The following TLK2 variants were observed in gnomAD, a reference collection of about 807,000 sequenced individuals.
The protein encoded by TLK2 is serine/threonine-protein kinase tousled-like 2.
Under a neutral mutation model 117.3 loss-of-function variants are expected in TLK2, and 6 were observed. That is an observed-to-expected ratio of 0.05 (90% CI 0.03 to 0.10). The LOEUF (loss-of-function observed/expected upper bound fraction) is 0.10, where lower values mean the gene tolerates loss of function less well. Among genes scored for constraint, TLK2 ranks in the 10% least tolerant of loss-of-function variants. The probability of loss-of-function intolerance (pLI) is 1.00; values close to 1 mark genes in which losing one functional copy is unlikely to be tolerated. For missense variants in TLK2, 299 were observed against 901.2 expected (o/e 0.33, Z 8.56); for synonymous variants, 257 against 316.7 (o/e 0.81, Z 2.00).
intron 19 of TLK2, among the ~76,000 whole-genome samples, chr17:62,605,199 C>T (rs1276299148): frequency 1.1e-4 from 16 of 152,000 alleles, no homozygotes; most frequent in African/African-American, 2.7e-4. Flanking sequence ...TGGTGGCACA[C>T]GCCTGTAATC....
At chr17:62,517,673 C>T (rs1222544166) in intron 2 of TLK2, among the ~76,000 whole-genome samples, 2 of 151,780 alleles carry the variant, frequency 1.3e-5, no homozygotes, top group East Asian at 1.9e-4. Flanking sequence ...TGAGCCACCA[C>T]GCCGGCCGAA....
chr17:62,518,310 G>A lies in TLK2; in HGVS notation c.82-2463G>A, dbSNP rs376078495. On this transcript the variant is annotated intron_variant, in intron 2 of 21. Coordinates refer to ENST00000346027, the MANE Select transcript of TLK2 (RefSeq NM_006852.6). ...ATTATTTCATGTTTTATTCAGTGCA[G>A]TAAAATGTAAAACAAATAAGAGGTA... 3.5e-3 allele frequency among the ~76,000 whole-genome samples: 527 copies of A among 152,310 alleles called. 6 individuals are homozygous for A. Among genetic ancestry groups the A allele is most frequent in the African/African-American group, 0.012 (511 of 41,556 alleles).
chr17:62,604,035 G>A (rs1320969588), intron 19 of TLK2, among the ~76,000 whole-genome samples: 3 of 148,888 alleles, frequency 2.0e-5, no homozygotes, highest in South Asian at 2.1e-4. Context: ...ACGGAGTTTC[G>A]CTCTTGTTGC....
chr17:62,526,564 T>G (rs2076378032), intron 6 of TLK2, among the ~76,000 whole-genome samples: 1 of 152,182 alleles, frequency 6.6e-6, no homozygotes, highest in African/African-American at 2.4e-5. Flanking sequence ...CCCCAATAAT[T>G]ATGTATCCAG....
intron 2 of TLK2, among the ~76,000 whole-genome samples, chr17:62,493,311 T>C (rs1311629331): frequency 6.6e-6 from 1 of 152,252 alleles, no homozygotes; most frequent in African/African-American, 2.4e-5. Context: ...TTTCATTTCC[T>C]TCCTTTTTAA....
At chr17:62,502,202 A>AT (rs2145003477) in intron 2 of TLK2, among the ~76,000 whole-genome samples, 1 of 152,158 alleles carries the variant, frequency 6.6e-6, no homozygotes, top group South Asian at 2.1e-4. Flanking sequence ...AGTGAATAAA[A>AT]CCATAACTAA....
chr17:62,564,267 G>A lies in TLK2; in HGVS notation c.832-734G>A, dbSNP rs2079543215. ...AAAATACAAAAATTGGCCGGGTGTG[G>A]TGGCTCACGCCTGTAATCTCAGCAC... On this transcript the variant is annotated intron_variant, in intron 10 of 21. Coordinates refer to ENST00000346027, the MANE Select transcript of TLK2 (RefSeq NM_006852.6). Among the ~76,000 whole-genome samples, 3 of 152,150 alleles carry A rather than the reference G, an allele frequency of 2.0e-5. No individual in the cohort carries two copies. In the South Asian group the frequency reaches 6.2e-4, roughly 32 times the overall value.
At chr17:62,593,012 G>A (rs1388737128) in intron 16 of TLK2, among the ~76,000 whole-genome samples, 2 of 152,172 alleles carry the variant, frequency 1.3e-5, no homozygotes, top group South Asian at 2.1e-4. Context: ...GCGGTCATGC[G>A]AGCTATGGGG....
At chr17:62,518,047 T>C (rs2075754684) in intron 2 of TLK2, among the ~76,000 whole-genome samples, 1 of 152,230 alleles carries the variant, frequency 6.6e-6, no homozygotes, top group Admixed American at 6.5e-5. Context: ...CTTAGTTCTT[T>C]TTCAAGATTG....
At chr17:62,584,143 C>G (rs1291701172) in intron 15 of TLK2, among the ~76,000 whole-genome samples, 2 of 109,854 alleles carry the variant, frequency 1.8e-5, no homozygotes, top group Non-Finnish European at 3.4e-5. Context: ...GATACGGAAT[C>G]TCGCTCTGTC....
chr17:62,497,239 C>T (rs1456739931), intron 2 of TLK2, among the ~76,000 whole-genome samples: 7 of 152,084 alleles, frequency 4.6e-5, no homozygotes, highest in Non-Finnish European at 8.8e-5. Context: ...TTCCACACTT[C>T]AGCCTGGGTG....
At chr17:62,508,167 A>G (rs2923237) in intron 2 of TLK2, among the ~76,000 whole-genome samples, 67 of 71,354 alleles carry the variant, frequency 9.4e-4, no homozygotes, top group South Asian at 3.1e-3. Context: ...AAAATTTCCT[A>G]GTTTTTTTTT....
At chr17:62,575,322 C>T (rs1168876067) in intron 12 of TLK2, among the ~76,000 whole-genome samples, 1 of 152,182 alleles carries the variant, frequency 6.6e-6, no homozygotes, top group Non-Finnish European at 1.5e-5. Context: ...CCTTTCTTGG[C>T]CCCGAACCTG....
chr17:62,539,474 T>C (rs1350877141), intron 7 of TLK2, among the ~76,000 whole-genome samples: 2 of 119,950 alleles, frequency 1.7e-5, no homozygotes, highest in African/African-American at 6.8e-5. Context: ...CCTCCCTCTC[T>C]TTTTTTTTTT....
At chr17:62,522,927 T>C (rs554648705) in intron 4 of TLK2, among the ~76,000 whole-genome samples, 1 of 152,338 alleles carries the variant, frequency 6.6e-6, no homozygotes, top group African/African-American at 2.4e-5. Flanking sequence ...TGTGAAAAAT[T>C]CTTCCTTTCA....
chr17:62,589,940 G>A (rs1347082713), intron 16 of TLK2, among the ~76,000 whole-genome samples: 2 of 151,698 alleles, frequency 1.3e-5, no homozygotes, highest in East Asian at 4.0e-4. Context: ...CCGAGTAGCT[G>A]GGACTACATG....
At chr17:62,575,614 G>A (rs1396181934) in intron 12 of TLK2, among the ~76,000 whole-genome samples, 1 of 152,042 alleles carries the variant, frequency 6.6e-6, no homozygotes, top group Non-Finnish European at 1.5e-5. Context: ...AGGTAGAGAT[G>A]GAAGAAAAAA....
At chr17:62,553,577 C>T (rs576540391) in intron 8 of TLK2, 86 bp from the exon 9 acceptor site, 3 of 910,794 alleles carry the variant, frequency 3.3e-6, no homozygotes, top group South Asian at 1.4e-5. Flanking sequence ...TTTTTCCCAC[C>T]CCCCCGAGAA....
chr17:62,514,123 T>G (rs1286516812), intron 2 of TLK2, among the ~76,000 whole-genome samples: 1 of 152,132 alleles, frequency 6.6e-6, no homozygotes, highest in Non-Finnish European at 1.5e-5. Flanking sequence ...TTGTTATTAC[T>G]TTACAACACA....
Sources: allele counts gnomAD v4.1 joint callset (sites outside exome capture counted in the v4.1 genomes callset), GRCh38; gene constraint gnomAD v4.1.1; transcripts MANE v1.5; gene names NCBI Gene and HGNC (gene_info 2026-07-23, HGNC 2026-07-21).